Variants in KCNIP4 observed in about 807,000 individuals in gnomAD.
The protein encoded by KCNIP4 is Kv channel-interacting protein 4.
KCNIP4 carries 12 observed loss-of-function variants against 34.0 expected under a neutral mutation model. That is an observed-to-expected ratio of 0.35 (90% confidence interval 0.23 to 0.57). The LOEUF is 0.57. Ranked by LOEUF, KCNIP4 falls within the 20% of genes least tolerant of loss-of-function variation. The pLI, the probability that KCNIP4 is intolerant of heterozygous loss-of-function variation, is 0.83. For missense variants in KCNIP4, 238 were observed against 311.7 expected (o/e 0.76, Z 1.78); for synonymous variants, 124 against 102.2 (o/e 1.21, Z -1.29).
chr4:21,865,035 G>T (rs376149348), intron 1 of KCNIP4, among the ~76,000 whole-genome samples: 1 of 152,008 alleles, frequency 6.6e-6, no homozygotes, highest in African/African-American at 2.4e-5. Flanking sequence ...CTTAGTGATG[G>T]AACTCCATGC....
rs113262027 is a variant in KCNIP4 at position 21,182,492 on chromosome 4, G to A, written c.62-299783C>T. On this transcript the variant is annotated intron_variant, in intron 1 of 8. Transcript: ENST00000382152. ...TTCCTTCTAATAATACATTTAAGGGGTACAAGTACAGTTTTGTTACATGGA... is the reference window on the plus strand; with the variant it reads ...TTCCTTCTAATAATACATTTAAGGGATACAAGTACAGTTTTGTTACATGGA... 6.7e-5 allele frequency among the ~76,000 whole-genome samples: 10 copies of A among 148,972 alleles called. 1 individual carries two copies. Among genetic ancestry groups the A allele is most frequent in the African/African-American group, 2.5e-4 (10 of 40,348 alleles).
At chr4:21,689,029 C>A (rs1560631097) in intron 1 of KCNIP4, among the ~76,000 whole-genome samples, 1 of 151,970 alleles carries the variant, frequency 6.6e-6, no homozygotes, top group Non-Finnish European at 1.5e-5. Flanking sequence ...GAGTTAACTG[C>A]TTCATATTTA....
intron 1 of KCNIP4, among the ~76,000 whole-genome samples, chr4:21,238,746 A>G (rs1199379735): frequency 2.6e-5 from 4 of 152,226 alleles, no homozygotes; most frequent in Non-Finnish European, 5.9e-5. Context: ...AACAAATGGA[A>G]GAACATTCCA....
chr4:21,101,684 A>T (rs995649977), intron 1 of KCNIP4, among the ~76,000 whole-genome samples: 3 of 152,182 alleles, frequency 2.0e-5, no homozygotes, highest in Non-Finnish European at 4.4e-5. Flanking sequence ...TAAGAGCTAG[A>T]TAAATTATAC....
chr4:21,507,528 A>C (rs1415628463), intron 1 of KCNIP4, among the ~76,000 whole-genome samples: 1 of 152,136 alleles, frequency 6.6e-6, no homozygotes, highest in African/African-American at 2.4e-5. Context: ...AAGTGCTAGA[A>C]TTACAGGCAT....
chr4:21,140,052 ACTCT>A (rs890863621), intron 1 of KCNIP4, among the ~76,000 whole-genome samples: 3 of 152,022 alleles, frequency 2.0e-5, no homozygotes, highest in Admixed American at 6.6e-5. Flanking sequence ...AATTTAACAC[ACTCT>A]CTCAGATTCA....
At chr4:21,641,571 G>C (rs1746618788) in intron 1 of KCNIP4, among the ~76,000 whole-genome samples, 1 of 152,152 alleles carries the variant, frequency 6.6e-6, no homozygotes, top group Non-Finnish European at 1.5e-5. Context: ...AAGGAAGTTT[G>C]GGGATGAGGT....
intron 1 of KCNIP4, among the ~76,000 whole-genome samples, chr4:21,708,969 T>C (rs1713503140): frequency 6.6e-6 from 1 of 152,198 alleles, no homozygotes; most frequent in African/African-American, 2.4e-5. Flanking sequence ...CCCCTTCCTT[T>C]ATTAATTTTT....
At chr4:21,093,898 C>A (rs906077993) in intron 1 of KCNIP4, among the ~76,000 whole-genome samples, 2 of 151,990 alleles carry the variant, frequency 1.3e-5, no homozygotes, top group African/African-American at 4.8e-5. Context: ...CTGACTAACA[C>A]GGTTAAACCC....
At chr4:21,095,642 G>T (rs1452426181) in intron 1 of KCNIP4, among the ~76,000 whole-genome samples, 5 of 152,110 alleles carry the variant, frequency 3.3e-5, no homozygotes, top group African/African-American at 1.2e-4. Context: ...GTGTGTAAGA[G>T]AATATTCTAA....
intron 1 of KCNIP4, among the ~76,000 whole-genome samples, chr4:21,437,560 C>T (rs904627047): frequency 2.6e-5 from 4 of 152,096 alleles, no homozygotes; most frequent in Non-Finnish European, 5.9e-5. Flanking sequence ...TGTCTCAGGC[C>T]CAGCAATTTT....
intron 1 of KCNIP4, among the ~76,000 whole-genome samples, chr4:21,817,117 A>G (rs1262603950): frequency 2.6e-5 from 4 of 152,040 alleles, no homozygotes; most frequent in African/African-American, 9.7e-5. Context: ...AATTCCACAT[A>G]TTAAGATCCC....
chr4:21,167,157 A>T (rs563082810), intron 1 of KCNIP4, among the ~76,000 whole-genome samples: 5 of 152,038 alleles, frequency 3.3e-5, no homozygotes, highest in African/African-American at 1.2e-4. Flanking sequence ...ACAGAAAAAA[A>T]CCCACAACAC....
intron 1 of KCNIP4, among the ~76,000 whole-genome samples, chr4:20,887,784 T>C (rs1324324205): frequency 6.6e-6 from 1 of 152,136 alleles, no homozygotes; most frequent in East Asian, 1.9e-4. Flanking sequence ...TACGGAAACT[T>C]GACTCTACAG....
At chr4:21,292,007 C>A (rs1763553358) in intron 1 of KCNIP4, among the ~76,000 whole-genome samples, 2 of 151,932 alleles carry the variant, frequency 1.3e-5, no homozygotes, top group Admixed American at 1.3e-4. Flanking sequence ...AAAATTCCGT[C>A]TATGTATTGG....
intron 1 of KCNIP4, among the ~76,000 whole-genome samples, chr4:20,943,207 G>A (rs1731830931): frequency 6.6e-6 from 1 of 152,148 alleles, no homozygotes; most frequent in African/African-American, 2.4e-5. Flanking sequence ...ATTTGGTGAG[G>A]AATTCAGTGA....
At chr4:20,808,263 T>C (rs1715319339) in intron 3 of KCNIP4, among the ~76,000 whole-genome samples, 1 of 152,144 alleles carries the variant, frequency 6.6e-6, no homozygotes, top group South Asian at 2.1e-4. Flanking sequence ...GGAGATAAGA[T>C]CAAACATATG....
rs545209969 is a variant in KCNIP4, at chr4:21,636,094, T to A, written c.61+312477A>T. ...CATAGGTGGGAATTGAACAATGAGA[T>A]CACATGGACACAGGAAGGGGAATAT... On this transcript the variant is annotated intron_variant, in intron 1 of 8. Transcript: ENST00000382152. 1.4e-4 allele frequency among the ~76,000 whole-genome samples: 18 copies of A among 125,320 alleles called. No homozygotes were observed. The East Asian group carries it at 3.4e-3, about 24-fold the overall frequency. 82.2% of individuals were successfully genotyped at this position (125,320 alleles called of 152,430 possible).
At chr4:20,800,550 T>C (rs1413168251) in intron 3 of KCNIP4, among the ~76,000 whole-genome samples, 1 of 152,204 alleles carries the variant, frequency 6.6e-6, no homozygotes, top group Non-Finnish European at 1.5e-5. Flanking sequence ...TATAATTCAT[T>C]ATCTGAATGA....
Sources: allele counts gnomAD v4.1 joint callset (sites outside exome capture counted in the v4.1 genomes callset), GRCh38; gene constraint gnomAD v4.1.1; transcripts MANE v1.5; gene names NCBI Gene and HGNC (gene_info 2026-07-23, HGNC 2026-07-21).